The following ABHD2 variants were observed in gnomAD, a reference collection of about 807,000 sequenced individuals.
ABHD2 encodes monoacylglycerol lipase ABHD2.
Under a neutral mutation model 48.1 loss-of-function variants are expected in ABHD2, and 20 were observed. The ratio of observed to expected loss-of-function variants is 0.42; its 90% CI spans 0.29 to 0.60. The LOEUF (loss-of-function observed/expected upper bound fraction) is 0.60, where lower values mean the gene tolerates loss of function less well. ABHD2 is among the 20% of genes least tolerant of loss of function. The probability of loss-of-function intolerance (pLI) is 0.24; values close to 1 mark genes in which losing one functional copy is unlikely to be tolerated. For synonymous variants in ABHD2, 209 were observed against 214.2 expected (o/e 0.98, Z 0.21); for missense variants, 405 against 550.9 (o/e 0.74, Z 2.65).
chr15:89,129,684 T>A (rs1165127563), intron 3 of ABHD2, among the ~76,000 whole-genome samples: 1 of 152,136 alleles, frequency 6.6e-6, no homozygotes, highest in East Asian at 1.9e-4. Flanking sequence ...TGGGCTCAGA[T>A]GCCAGCCCTG....
intron 3 of ABHD2, chr15:89,135,717 T>G (rs963690650): frequency 1.5e-6 from 2 of 1,323,824 alleles, no homozygotes; most frequent in Non-Finnish European, 2.2e-6. Context: ...TACTTTTCCT[T>G]CAGCTTCGCA....
chr15:89,131,205 G>A (rs965372154), intron 3 of ABHD2, among the ~76,000 whole-genome samples: 15 of 152,182 alleles, frequency 9.9e-5, no homozygotes, highest in Admixed American at 3.3e-4. Context: ...TCCAGCATCA[G>A]CCCTCGCTCC....
chr15:89,124,938 A>C (rs555046495), intron 3 of ABHD2, among the ~76,000 whole-genome samples: 1 of 152,138 alleles, frequency 6.6e-6, no homozygotes, highest in South Asian at 2.1e-4. Context: ...AAAATACAAA[A>C]ATTGGCCGGG....
rs1178688966 is a variant in ABHD2, at chr15:89,167,931, G to A, written c.539-7881G>A. 6.6e-6 allele frequency among the ~76,000 whole-genome samples: 1 copy of A among 152,228 alleles called. No individual in the cohort carries two copies. Among genetic ancestry groups the A allele is most frequent in the Admixed American group, 6.5e-5 (1 of 15,286 alleles). ...GTCCCCTGCTTACTCATGCTGGCGA[G>A]TACTGTGTGCCTTTATTCCAGACGA... On this transcript the variant is annotated intron_variant, in intron 5 of 10. Transcript: ENST00000352732. The surrounding 1 kb of genome is among the most constrained non-coding windows in gnomAD (Gnocchi z 5.5).
intron 4 of ABHD2, among the ~76,000 whole-genome samples, chr15:89,154,881 A>G (rs1444998880): frequency 5.3e-5 from 8 of 152,226 alleles, no homozygotes; most frequent in Admixed American, 2.6e-4. Flanking sequence ...CATATGTACA[A>G]TTACATCTGT....
chr15:89,182,779 T>C lies in ABHD2; in HGVS notation c.723-2645T>C, dbSNP rs1057251649. 1.3e-5 allele frequency among the ~76,000 whole-genome samples: 2 copies of C among 151,958 alleles called. No individual in the cohort carries two copies. Among genetic ancestry groups the C allele is most frequent in the Non-Finnish European group, 2.9e-5 (2 of 67,988 alleles). Reference sequence around the variant, plus strand: ...CTGCACTCCAGCCTGAGCAACAGAGTGAGACTCCATCTCAAGAAACAAAAA... The same window carrying C: ...CTGCACTCCAGCCTGAGCAACAGAGCGAGACTCCATCTCAAGAAACAAAAA... On this transcript the variant is annotated intron_variant, in intron 6 of 10. Transcript: ENST00000352732. This position sits in a 1 kb window ranked among gnomAD's most constrained non-coding sequence, Gnocchi z 4.8.
At chr15:89,105,388 C>A (rs2049768502) in intron 1 of ABHD2, among the ~76,000 whole-genome samples, 1 of 152,220 alleles carries the variant, frequency 6.6e-6, no homozygotes, top group Non-Finnish European at 1.5e-5. Context: ...GGTAACTTGA[C>A]TCCCCCTGAG....
At chr15:89,059,941 C>T in the ABHD2 span, among the ~76,000 whole-genome samples, 1 of 152,096 alleles carries the variant, frequency 6.6e-6, no homozygotes, top group African/African-American at 2.4e-5. Context: ...TCTTGGTCTC[C>T]CAGTGCATTG....
At chr15:89,070,715 G>C in the ABHD2 span, among the ~76,000 whole-genome samples, 1 of 152,186 alleles carries the variant, frequency 6.6e-6, no homozygotes, top group South Asian at 2.1e-4. Context: ...GCATGAGGGA[G>C]TGGGCAAGCC....
rs1191738522 is a variant in ABHD2 at position 89,137,243 on chromosome 15, G to T, written c.195-14434G>T. On this transcript the variant is annotated intron_variant, in intron 3 of 10. Transcript: ENST00000352732. This position sits in a 1 kb window ranked among gnomAD's most constrained non-coding sequence, Gnocchi z 4.8. ...ACGTGAGGAGAGAGGACTGTGCTTT[G>T]GTGTGCCTAGGGAGGATGTGACCAG... Among the ~76,000 whole-genome samples, 1 of 152,114 alleles carries T rather than the reference G, an allele frequency of 6.6e-6. No individual in the cohort carries two copies. Among genetic ancestry groups the T allele is most frequent in the Non-Finnish European group, 1.5e-5 (1 of 68,020 alleles).
intron 9 of ABHD2, among the ~76,000 whole-genome samples, chr15:89,192,185 T>C (rs754373328): frequency 1.3e-5 from 2 of 152,218 alleles, no homozygotes; most frequent in Admixed American, 6.5e-5. Flanking sequence ...AGCAGATCAC[T>C]GGAAACTGTA....
chr15:89,109,566 A>C (rs1367165836), intron 1 of ABHD2, among the ~76,000 whole-genome samples: 1 of 151,884 alleles, frequency 6.6e-6, no homozygotes, highest in African/African-American at 2.4e-5. Flanking sequence ...CCTGATGTTC[A>C]TTTTAACTGG....
At chr15:89,170,167 G>A (rs547873071) in intron 5 of ABHD2, among the ~76,000 whole-genome samples, 2 of 123,514 alleles carry the variant, frequency 1.6e-5, no homozygotes, top group East Asian at 5.6e-4. Flanking sequence ...CACAATCTTG[G>A]CTCACTGCAA....
At chr15:89,062,286 C>G in the ABHD2 span, among the ~76,000 whole-genome samples, 3 of 151,470 alleles carry the variant, frequency 2.0e-5, no homozygotes, top group South Asian at 6.3e-4. Flanking sequence ...AAAGGTTGTT[C>G]GGGCATTCGG....
At chr15:89,152,366 A>G (rs1310581800) in intron 4 of ABHD2, among the ~76,000 whole-genome samples, 1 of 152,114 alleles carries the variant, frequency 6.6e-6, no homozygotes, top group Non-Finnish European at 1.5e-5. Context: ...GGCGTGAGCC[A>G]CCGCCCCCAG....
intron 2 of ABHD2, among the ~76,000 whole-genome samples, chr15:89,115,766 G>C (rs1037794478): frequency 1.3e-5 from 2 of 152,134 alleles, no homozygotes; most frequent in Non-Finnish European, 2.9e-5. Context: ...CTTTATCTCA[G>C]CCTGCTCTGC....
chr15:89,083,227 T>C (rs747126576), upstream of ABHD2, among the ~76,000 whole-genome samples: 2 of 152,176 alleles, frequency 1.3e-5, no homozygotes, highest in Non-Finnish European at 2.9e-5. The surrounding 1 kb of genome is among the most constrained non-coding windows in gnomAD (Gnocchi z 5.1). Flanking sequence ...TCTCCGGAAA[T>C]AGTTTTAAAA....
At chr15:89,123,144 C>A (rs1228291406) in intron 3 of ABHD2, among the ~76,000 whole-genome samples, 2 of 152,206 alleles carry the variant, frequency 1.3e-5, no homozygotes, top group Non-Finnish European at 2.9e-5. Context: ...CCCACTAACA[C>A]CAAGCCAAAA....
rs539077735 is a variant in ABHD2 at position 89,172,004 on chromosome 15, T to C, written c.539-3808T>C. Among the ~76,000 whole-genome samples, 5 of 145,148 alleles carry C rather than the reference T, an allele frequency of 3.4e-5. No individual in the cohort carries two copies. In the Admixed American group the frequency reaches 3.6e-4, roughly 10 times the overall value. ...TGATTCAGTAAGCCATTTAATACCC[T>C]ATAATAAATATTTTTCCTGCTTTTT... On this transcript the variant is annotated intron_variant, in intron 5 of 10. Transcript: ENST00000352732.
Sources: gnomAD v4.1 joint callset for allele counts (sites outside exome capture counted in the v4.1 genomes callset) on GRCh38, gnomAD v4.1.1 for gene constraint, Gnocchi (gnomAD v3.1) non-coding constraint, MANE v1.5 for transcripts, NCBI Gene and HGNC (gene_info 2026-07-23, HGNC 2026-07-21) for gene names.